TCF20: variants seen among roughly 807,000 people sequenced by gnomAD.
The protein encoded by TCF20 is SPRE-binding protein.
In TCF20, 3 loss-of-function variants were observed where a neutral mutation model predicts 148.6. The observed-to-expected ratio is 0.02, with a 90% CI of 0.01 to 0.05. The LOEUF is 0.05. Ranked by LOEUF, TCF20 falls within the 10% of genes least tolerant of loss-of-function variation. The pLI is 1.00. For synonymous variants in TCF20, 1,049 were observed against 909.5 expected (o/e 1.15, Z -2.76); for missense variants, 2,350 against 2,429.3 (o/e 0.97, Z 0.69).
chr22:42,320,902 A>G (rs1927720491), intron 1 of TCF20, among the ~76,000 whole-genome samples: 1 of 152,148 alleles, frequency 6.6e-6, no homozygotes, highest in Admixed American at 6.5e-5. Context: ...CAGATCAGCA[A>G]CCAGCGCCAG....
rs1201100445 is a variant in TCF20 at position 42,212,534 on chromosome 22, C to T, written c.2772G>A (p.Gln924=). 1 of 1,613,982 alleles carries T rather than the reference C, an allele frequency of 6.2e-7. No homozygotes were observed. The highest frequency in any genetic ancestry group is 2.2e-5 in the East Asian group (1 of 44,878). ...AGTCTTCCTCTTTTATCTGCCCGCT[C>T]TGGGATTTCAGCTTGGTTTCCATGG... The part of the protein sequence containing the change: ...LVSMETKLKS[Q]SGQIKEEDFE... The change falls in exon 2 of 6, where the codon CAG becomes CAA. Residue 924 remains glutamine (Q), a synonymous_variant. Transcript: ENST00000677622.
intron 1 of TCF20, among the ~76,000 whole-genome samples, chr22:42,242,218 A>AAAAAAAAAAC (rs781477457): frequency 0.029 from 4,056 of 142,154 alleles, 124 homozygotes; most frequent in African/African-American, 0.062. Context: ...AAAAAAAAAA[A>AAAAAAAAAAC]AAAAAAAAAC....
chr22:42,323,930 T>A (rs868170325), intron 1 of TCF20, among the ~76,000 whole-genome samples: 1 of 99,392 alleles, frequency 1.0e-5, no homozygotes, highest in East Asian at 3.1e-4. Flanking sequence ...GAGGTTATGG[T>A]GGTGGTGGTG....
chr22:42,318,797 G>A (rs1027575306), intron 1 of TCF20, among the ~76,000 whole-genome samples: 12 of 152,222 alleles, frequency 7.9e-5, no homozygotes, highest in African/African-American at 2.7e-4. Context: ...AAGGCCTGCT[G>A]TTCATAAGCA....
At chr22:42,164,293 C>T (rs1215545392) in intron 5 of TCF20, among the ~76,000 whole-genome samples, 1 of 146,048 alleles carries the variant, frequency 6.8e-6, no homozygotes, top group Admixed American at 7.1e-5. Context: ...CAGCTCACTG[C>T]AAGCTCCACG....
intron 1 of TCF20, among the ~76,000 whole-genome samples, chr22:42,307,202 A>G (rs1601701158): frequency 6.6e-6 from 1 of 152,230 alleles, no homozygotes; most frequent in Non-Finnish European, 1.5e-5. Flanking sequence ...CAGTAGCTAC[A>G]ACCAGCATTT....
At chr22:42,241,691 G>C (rs1263530584) in intron 1 of TCF20, among the ~76,000 whole-genome samples, 4 of 152,070 alleles carry the variant, frequency 2.6e-5, no homozygotes, top group African/African-American at 9.7e-5. Flanking sequence ...GCCAGGTGTA[G>C]GGGCACACAC....
intron 1 of TCF20, among the ~76,000 whole-genome samples, chr22:42,305,454 T>C (rs139519018): frequency 1.3e-3 from 198 of 152,202 alleles, no homozygotes; most frequent in African/African-American, 4.5e-3. Flanking sequence ...AAACTGCACA[T>C]CTGACCAAGT....
chr22:42,265,375 C>T (rs1196479503), intron 1 of TCF20, among the ~76,000 whole-genome samples: 1 of 152,316 alleles, frequency 6.6e-6, no homozygotes, highest in Non-Finnish European at 1.5e-5. Flanking sequence ...ATGGCAACAA[C>T]ATGGCTCACT....
At chr22:42,291,847 A>C (rs1249064583) in intron 1 of TCF20, among the ~76,000 whole-genome samples, 1 of 151,918 alleles carries the variant, frequency 6.6e-6, no homozygotes, top group Non-Finnish European at 1.5e-5. Context: ...GCCCAGCCTA[A>C]AGAAGCAAGC....
chr22:42,338,462 G>A lies in TCF20; in HGVS notation c.-37+5017C>T, dbSNP rs551078782. Among the ~76,000 whole-genome samples the A allele has an allele frequency of 1.3e-3, 199 of 152,316 alleles. No homozygotes were observed. The highest frequency in any genetic ancestry group is 4.7e-3 in the African/African-American group (195 of 41,580). ...GCCTCAGCAGAGCCCCGTCCCTCCC[G>A]GCAGCCCGGCCTGCAGGGGCCACTC... On this transcript the variant is annotated intron_variant, in intron 1 of 1. Coordinates refer to the TCF20 transcript ENST00000515426. The surrounding 1 kb of genome is among the most constrained non-coding windows in gnomAD (Gnocchi z 4.0).
Position 42,254,123 on chromosome 22 carries a change from T to C in TCF20, c.-37+16216A>G, listed in dbSNP as rs568192060. 6.6e-5 allele frequency among the ~76,000 whole-genome samples: 10 copies of C among 151,052 alleles called. No individual in the cohort carries two copies. The South Asian group carries it at 2.1e-3, about 32-fold the overall frequency. ...AAGTAACTGAAGCTTCCACAGCATA[T>C]TCCTTTGAGAGCTGGCAGCGAAATT... On this transcript the variant is annotated intron_variant, in intron 1 of 5. Coordinates refer to ENST00000677622, the MANE Select transcript of TCF20 (RefSeq NM_001378418.1).
intron 1 of TCF20, among the ~76,000 whole-genome samples, 111 bp downstream of exon 1, chr22:42,270,228 T>C (rs981466365): frequency 4.0e-5 from 6 of 151,508 alleles, no homozygotes; most frequent in African/African-American, 1.2e-4. Context: ...ACTCCCAGGT[T>C]GGGTCCGGCC....
intron 1 of TCF20, among the ~76,000 whole-genome samples, chr22:42,246,251 C>T (rs1012355701): frequency 6.6e-6 from 1 of 152,170 alleles, no homozygotes. Context: ...GTTACAGGCG[C>T]ATGCCACCAC....
intron 3 of TCF20, among the ~76,000 whole-genome samples, chr22:42,176,575 C>G (rs528568335): frequency 6.6e-6 from 1 of 152,298 alleles, no homozygotes; most frequent in African/African-American, 2.4e-5. Flanking sequence ...TGGGGAAGCA[C>G]AGAGAGGGGG....
At chr22:42,198,879 G>C (rs1937778315) in intron 2 of TCF20, among the ~76,000 whole-genome samples, 1 of 152,026 alleles carries the variant, frequency 6.6e-6, no homozygotes, top group Non-Finnish European at 1.5e-5. Flanking sequence ...TGGCCAGGCT[G>C]GTCTTGAACT....
chr22:42,207,926 C>T lies in TCF20; in HGVS notation c.5655+1725G>A, dbSNP rs540784926. Among the ~76,000 whole-genome samples, 5 of 152,028 alleles carry T rather than the reference C, an allele frequency of 3.3e-5. No individual in the cohort carries two copies. The East Asian group carries it at 9.7e-4, about 29-fold the overall frequency. ...AGTACAGGCCAAGTGTAGTGGCTCA[C>T]GCCTGTAATTCCAGCACTTTGGAAG... is the stretch of plus-strand genomic sequence containing the variant. On this transcript the variant is annotated intron_variant, in intron 2 of 5. Coordinates refer to ENST00000677622, the MANE Select transcript of TCF20 (RefSeq NM_001378418.1).
chr22:42,229,061 A>G (rs937990542), intron 1 of TCF20, among the ~76,000 whole-genome samples: 5 of 152,160 alleles, frequency 3.3e-5, no homozygotes, highest in African/African-American at 9.7e-5. Flanking sequence ...ACTTGGAGTG[A>G]CTGATCCCTG....
intron 3 of TCF20, among the ~76,000 whole-genome samples, chr22:42,172,296 G>C (rs141090717): frequency 6.6e-6 from 1 of 152,342 alleles, no homozygotes; most frequent in African/African-American, 2.4e-5. Flanking sequence ...ACCAGTCCCT[G>C]CTGGGAGGGA....
Sources: gnomAD v4.1 joint callset for allele counts (sites outside exome capture counted in the v4.1 genomes callset) on GRCh38, gnomAD v4.1.1 for gene constraint, Gnocchi (gnomAD v3.1) non-coding constraint, MANE v1.5 for transcripts, NCBI Gene and HGNC (gene_info 2026-07-23, HGNC 2026-07-21) for gene names.